L3MBTL4: variants seen among roughly 807,000 people sequenced by gnomAD.
The protein encoded by L3MBTL4 is lethal(3)malignant brain tumor-like protein 4.
Under a neutral mutation model 84.5 loss-of-function variants are expected in L3MBTL4, and 70 were observed. The ratio of observed to expected loss-of-function variants is 0.83; its 90% CI spans 0.68 to 1.01. The LOEUF is 1.01. Ranked by LOEUF, L3MBTL4 falls within the 50% of genes least tolerant of loss-of-function variation. The pLI, the probability that L3MBTL4 is intolerant of heterozygous loss-of-function variation, is 0.00. For missense variants in L3MBTL4, 715 were observed against 754.8 expected, an observed-to-expected ratio of 0.95 and a Z score of 0.62; for synonymous variants, 274 against 259.8, an observed-to-expected ratio of 1.05 and a Z score of -0.52.
chr18:6,008,072 T>G (rs922768030), intron 16 of L3MBTL4, among the ~76,000 whole-genome samples: 2 of 152,232 alleles, frequency 1.3e-5, no homozygotes, highest in African/African-American at 4.8e-5. Flanking sequence ...CCAGAGGATC[T>G]GTAAGATGTG....
chr18:6,345,229 A>G (rs111735803), intron 1 of L3MBTL4, among the ~76,000 whole-genome samples: 4 of 129,680 alleles, frequency 3.1e-5, no homozygotes, highest in East Asian at 2.1e-4. Flanking sequence ...AAAAAAAAAA[A>G]AAAAAAAGAA....
intron 15 of L3MBTL4, among the ~76,000 whole-genome samples, chr18:6,087,435 G>A (rs1477485047): frequency 2.0e-5 from 3 of 152,156 alleles, no homozygotes; most frequent in Admixed American, 1.3e-4. Context: ...AATCTCTTGA[G>A]TCCTTTCCCT....
chr18:6,097,917 A>G (rs922031803), intron 14 of L3MBTL4, among the ~76,000 whole-genome samples: 1 of 152,074 alleles, frequency 6.6e-6, no homozygotes, highest in Non-Finnish European at 1.5e-5. Flanking sequence ...CCCAGATGCC[A>G]CCTGGCCAGT....
At chr18:6,001,875 T>C (rs557574469) in intron 16 of L3MBTL4, among the ~76,000 whole-genome samples, 10 of 152,146 alleles carry the variant, frequency 6.6e-5, no homozygotes, top group Non-Finnish European at 1.2e-4. Context: ...CAGAGACAAT[T>C]TGGAGAAACA....
chr18:6,329,591 G>A (rs2051918220), intron 1 of L3MBTL4, among the ~76,000 whole-genome samples: 1 of 152,212 alleles, frequency 6.6e-6, no homozygotes, highest in Admixed American at 6.5e-5. Context: ...TATGGAGGCT[G>A]AGAAGTTCAA....
At chr18:6,233,906 A>G (rs1487044747) in intron 10 of L3MBTL4, among the ~76,000 whole-genome samples, 1 of 152,164 alleles carries the variant, frequency 6.6e-6, no homozygotes. Flanking sequence ...ACACTACCTG[A>G]CTTCAAACTA....
intron 4 of L3MBTL4, among the ~76,000 whole-genome samples, chr18:6,281,616 C>T (rs929016954): frequency 2.0e-5 from 3 of 152,174 alleles, no homozygotes; most frequent in Non-Finnish European, 4.4e-5. Context: ...TCTCAAGCAT[C>T]CTTTCTGTGT....
At chr18:6,128,212 C>T (rs2059765878) in intron 14 of L3MBTL4, among the ~76,000 whole-genome samples, 1 of 148,858 alleles carries the variant, frequency 6.7e-6, no homozygotes, top group Non-Finnish European at 1.5e-5. Context: ...AAAACTTCAA[C>T]TGAAGGATTA....
intron 12 of L3MBTL4, among the ~76,000 whole-genome samples, chr18:6,188,358 AAT>A (rs1371612152): frequency 1.3e-5 from 2 of 151,352 alleles, no homozygotes; most frequent in African/African-American, 4.8e-5. Context: ...TAAATTAATA[AAT>A]ACACTGATAT....
chr18:6,184,489 A>T (rs1408694202), intron 12 of L3MBTL4, among the ~76,000 whole-genome samples: 1 of 152,226 alleles, frequency 6.6e-6, no homozygotes, highest in Non-Finnish European at 1.5e-5. Flanking sequence ...AGATTAACCC[A>T]AACCAGCTGA....
chr18:6,352,318 G>C (rs1175245003), intron 1 of L3MBTL4, among the ~76,000 whole-genome samples: 1 of 152,180 alleles, frequency 6.6e-6, no homozygotes, highest in Non-Finnish European at 1.5e-5. Flanking sequence ...TCTTTTGGCT[G>C]AGTTTAGATC....
Position 6,028,650 on chromosome 18 carries a change from G to C in L3MBTL4, c.1444+52231C>G, listed in dbSNP as rs2055628397. Among the ~76,000 whole-genome samples, 7 of 152,244 alleles carry C rather than the reference G, an allele frequency of 4.6e-5. No individual in the cohort carries two copies. The South Asian group carries it at 1.2e-3, about 27-fold the overall frequency. Reference sequence around the variant, plus strand: ...GCAGTATGGCCATTTTCATGATATTGATTCTTCCTATCCATAAGCATGGAA... The same window carrying C: ...GCAGTATGGCCATTTTCATGATATTCATTCTTCCTATCCATAAGCATGGAA... On this transcript the variant is annotated intron_variant, in intron 16 of 18. Coordinates refer to ENST00000317931, the MANE Select transcript of L3MBTL4 (RefSeq NM_001330559.2).
chr18:6,061,711 C>G (rs959433676), intron 16 of L3MBTL4, among the ~76,000 whole-genome samples: 21 of 151,844 alleles, frequency 1.4e-4, no homozygotes, highest in African/African-American at 5.1e-4. Context: ...CTTTTTCTCC[C>G]TTCTCTGATT....
chr18:5,975,661 T>C (rs539137867), intron 16 of L3MBTL4, among the ~76,000 whole-genome samples: 1 of 152,368 alleles, frequency 6.6e-6, no homozygotes, highest in East Asian at 1.9e-4. Flanking sequence ...AGTCTACTCA[T>C]TCCCCTTCAT....
At chr18:6,177,343 GT>G (rs2044268594) in intron 12 of L3MBTL4, among the ~76,000 whole-genome samples, 1 of 152,192 alleles carries the variant, frequency 6.6e-6, no homozygotes, top group Non-Finnish European at 1.5e-5. Flanking sequence ...CAGACTTCAT[GT>G]TGAGCAATGA....
At position 6,241,567 on chromosome 18, in the gene L3MBTL4, A is replaced by G. The variant is rs1266460924; in HGVS notation, c.461-118T>C. ...GGCCATTACTTTTAATGGAAAAAAA[A>G]CGCAATTACTTTTGCACCAACCTCA... is the stretch of plus-strand genomic sequence containing the variant. On this transcript the variant is annotated intron_variant, in intron 7 of 18. Coordinates refer to ENST00000317931, the MANE Select transcript of L3MBTL4 (RefSeq NM_001330559.2). 14 of 583,382 alleles carry G rather than the reference A, an allele frequency of 2.4e-5. No individual in the cohort carries two copies. In the South Asian group the frequency reaches 3.6e-4, roughly 15 times the overall value. 36.1% of individuals were successfully genotyped at this position (583,382 alleles called of 1,614,324 possible). A position where few individuals can be genotyped will look rare whatever the true frequency, so the allele number is the denominator to read the frequency against.
chr18:6,166,361 A>AT (rs554459824), intron 13 of L3MBTL4, among the ~76,000 whole-genome samples: 7,918 of 152,162 alleles, frequency 0.052, 684 homozygotes, highest in African/African-American at 0.18. Flanking sequence ...TCCACCCCAA[A>AT]CAACAGAATA....
At chr18:6,012,962 C>G (rs1320569889) in intron 16 of L3MBTL4, among the ~76,000 whole-genome samples, 1 of 152,158 alleles carries the variant, frequency 6.6e-6, no homozygotes, top group Non-Finnish European at 1.5e-5. Flanking sequence ...TCCCATTTTT[C>G]TTCTCCAAGG....
At chr18:6,012,949 T>C (rs1242548611) in intron 16 of L3MBTL4, among the ~76,000 whole-genome samples, 1 of 152,326 alleles carries the variant, frequency 6.6e-6, no homozygotes, top group Middle Eastern at 3.4e-3. Flanking sequence ...TCCTTTCTGC[T>C]TCTCCCATTT....
Sources: allele counts gnomAD v4.1 joint callset (sites outside exome capture counted in the v4.1 genomes callset), GRCh38; gene constraint gnomAD v4.1.1; transcripts MANE v1.5; gene names NCBI Gene and HGNC (gene_info 2026-07-23, HGNC 2026-07-21).